Variants in ADGB observed in about 807,000 individuals in gnomAD.
The protein encoded by ADGB is calpain-7-like protein.
ADGB carries 172 observed loss-of-function variants against 210.5 expected under a neutral mutation model. The observed-to-expected ratio is 0.82, with a 90% CI of 0.72 to 0.93. The LOEUF (loss-of-function observed/expected upper bound fraction) is 0.93. Ranked by LOEUF, ADGB falls within the 40% of genes least tolerant of loss-of-function variation. The pLI is 0.00. For missense variants in ADGB, 2,025 were observed against 1,964.8 expected, an observed-to-expected ratio of 1.03 and a Z score of -0.58; for synonymous variants, 658 against 662.7, an observed-to-expected ratio of 0.99 and a Z score of 0.11.
chr6:146,752,042 T>C (rs1777330571), intron 26 of ADGB, among the ~76,000 whole-genome samples: 1 of 152,132 alleles, frequency 6.6e-6, no homozygotes. Context: ...TTCCTTACTG[T>C]CTTAGTCTGT....
chr6:146,812,611 T>A (rs182036474), intron 35 of ADGB, among the ~76,000 whole-genome samples: 222 of 152,330 alleles, frequency 1.5e-3, no homozygotes, highest in African/African-American at 4.5e-3. Flanking sequence ...CATGCAGACA[T>A]CTCAGGTTAG....
chr6:146,721,310 A>G, intron 16 of ADGB, 93 bp from the exon 17 acceptor site: 1 of 783,358 alleles, frequency 1.3e-6, no homozygotes, highest in East Asian at 2.7e-5. Flanking sequence ...GTTTCCTGTA[A>G]CTCTTAGATG....
intron 35 of ADGB, chr6:146,807,540 A>G (rs2114672161): frequency 6.4e-7 from 1 of 1,550,644 alleles, no homozygotes; most frequent in East Asian, 2.4e-5. Flanking sequence ...AGAAAAGATG[A>G]CCCCAGCTCC....
intron 19 of ADGB, among the ~76,000 whole-genome samples, chr6:146,727,560 G>C (rs1055769254): frequency 6.6e-6 from 1 of 152,064 alleles, no homozygotes; most frequent in Non-Finnish European, 1.5e-5. Flanking sequence ...TATCTCCCCA[G>C]GTGTTTATTT....
At chr6:146,718,147 C>T (rs1400808742) in intron 16 of ADGB, among the ~76,000 whole-genome samples, 1 of 151,976 alleles carries the variant, frequency 6.6e-6, no homozygotes, top group African/African-American at 2.4e-5. Flanking sequence ...GTCTCAGCTT[C>T]ACCAGCCTGA....
rs900660449 is a variant in ADGB at position 146,630,067 on chromosome 6, C to A, written c.75-5308C>A. Among the ~76,000 whole-genome samples the A allele has an allele frequency of 2.0e-5, 3 of 151,202 alleles. No individual in the cohort carries two copies. The South Asian group carries it at 6.3e-4, about 32-fold the overall frequency. On this transcript the variant is annotated intron_variant, in intron 1 of 35. Transcript: ENST00000397944. ...GCCTGGCCAACATGATGAAACTCCACCTGTACTAAAAATACAAAAATTAGC... is the reference window on the plus strand; with the variant it reads ...GCCTGGCCAACATGATGAAACTCCAACTGTACTAAAAATACAAAAATTAGC...
rs1777808822 is a variant in ADGB, at chr6:146,782,059, G to T, written c.3902G>T (p.Ser1301Ile). 1 of 1,521,206 alleles carries T rather than the reference G, an allele frequency of 6.6e-7. No individual in the cohort carries two copies. Among genetic ancestry groups the T allele is most frequent in the African/African-American group, 1.4e-5 (1 of 71,040 alleles). The allele number at this position is 1,521,206 out of a possible 1,614,324, so 94.2% of individuals were successfully genotyped here. A position where few individuals can be genotyped will look rare whatever the true frequency, so the allele number is the denominator to read the frequency against. Residue 1301 changes from serine to isoleucine, a missense_variant, in exon 30 of 36, where the codon AGC becomes ATC. Physicochemically the swap from Ser to Ile is moderately radical, Grantham distance 142. Coordinates refer to ENST00000397944, the MANE Select transcript of ADGB (RefSeq NM_024694.4). The part of the protein sequence containing the change: ...ERHEELINLG[S>I]PDSHTISEGQ... ...CACGAGGAGTTAATTAACTTAGGAAGCCCAGACTCCCACACTATTAGTGAG... is the reference window on the plus strand; with the variant it reads ...CACGAGGAGTTAATTAACTTAGGAATCCCAGACTCCCACACTATTAGTGAG...
chr6:146,748,396 A>G (rs1777272337), intron 26 of ADGB, among the ~76,000 whole-genome samples: 1 of 152,124 alleles, frequency 6.6e-6, no homozygotes, highest in Non-Finnish European at 1.5e-5. Flanking sequence ...GAAACTATTA[A>G]CAGAAGTGTG....
chr6:146,662,467 T>G (rs2114891756), intron 5 of ADGB, among the ~76,000 whole-genome samples: 1 of 152,258 alleles, frequency 6.6e-6, no homozygotes, highest in South Asian at 2.1e-4. Context: ...ATTTCTATTT[T>G]TATGCCTTTA....
intron 20 of ADGB, 112 bp downstream of exon 20, chr6:146,728,853 G>T: frequency 4.5e-6 from 4 of 894,918 alleles, no homozygotes; most frequent in Non-Finnish European, 6.4e-6. Flanking sequence ...TTTGGATGGA[G>T]ATAATATATT....
chr6:146,742,900 G>A (rs143521081), intron 25 of ADGB, among the ~76,000 whole-genome samples: 6 of 151,402 alleles, frequency 4.0e-5, no homozygotes, highest in Admixed American at 2.0e-4. Context: ...TTTTTTTTAA[G>A]CTTCTGAGTT....
At chr6:146,678,265 C>T (rs1032886143) in intron 9 of ADGB, among the ~76,000 whole-genome samples, 8 of 152,112 alleles carry the variant, frequency 5.3e-5, no homozygotes, top group South Asian at 4.1e-4. Flanking sequence ...CTTGCTGTGT[C>T]GCCCAGGCTG....
At chr6:146,708,292 A>G (rs1488678902) in intron 13 of ADGB, among the ~76,000 whole-genome samples, 1 of 152,120 alleles carries the variant, frequency 6.6e-6, no homozygotes, top group Non-Finnish European at 1.5e-5. Context: ...GAATTTGACT[A>G]TGTACTTACT....
chr6:146,798,685 A>C (rs1778081080), intron 33 of ADGB, among the ~76,000 whole-genome samples: 1 of 152,160 alleles, frequency 6.6e-6, no homozygotes, highest in Non-Finnish European at 1.5e-5. Flanking sequence ...AGAAAAAAAA[A>C]AAACTGTGAA....
At chr6:146,683,520 A>G (rs1399394558) in intron 9 of ADGB, among the ~76,000 whole-genome samples, 1 of 152,098 alleles carries the variant, frequency 6.6e-6, no homozygotes, top group Non-Finnish European at 1.5e-5. Context: ...CCCTTAACTA[A>G]ACACTTGTGT....
chr6:146,713,956 G>C (rs6922075), intron 13 of ADGB, among the ~76,000 whole-genome samples: 1 of 151,834 alleles, frequency 6.6e-6, no homozygotes, highest in Non-Finnish European at 1.5e-5. Context: ...TTTTCTAAGA[G>C]CTCTTTCTTG....
intron 1 of ADGB, among the ~76,000 whole-genome samples, chr6:146,633,344 C>G (rs934471087): frequency 6.6e-6 from 1 of 152,074 alleles, no homozygotes; most frequent in African/African-American, 2.4e-5. Flanking sequence ...TTCAACATAG[C>G]AGCAAGAATT....
chr6:146,764,277 T>C (rs1330627600), intron 28 of ADGB, among the ~76,000 whole-genome samples, 177 bp downstream of exon 28: 1 of 152,192 alleles, frequency 6.6e-6, no homozygotes, highest in African/African-American at 2.4e-5. Flanking sequence ...AAATACATCT[T>C]GGCACAGAGA....
At chr6:146,764,468 G>A (rs963494274) in intron 28 of ADGB, among the ~76,000 whole-genome samples, 7 of 151,834 alleles carry the variant, frequency 4.6e-5, no homozygotes, top group African/African-American at 1.7e-4. Context: ...ATTTGTATGT[G>A]CTTACAATTA....
Sources: allele counts gnomAD v4.1 joint callset (sites outside exome capture counted in the v4.1 genomes callset), GRCh38; gene constraint gnomAD v4.1.1; transcripts MANE v1.5; gene names NCBI Gene and HGNC (gene_info 2026-07-23, HGNC 2026-07-21).